The following SEM1 variants were observed in gnomAD, a reference collection of about 807,000 sequenced individuals.
SEM1 encodes the protein 26S proteasome complex subunit SEM1.
SEM1 carries 3 observed loss-of-function variants against 12.7 expected under a neutral mutation model. The observed-to-expected ratio is 0.24, with a 90% CI of 0.11 to 0.61. The LOEUF (loss-of-function observed/expected upper bound fraction) is 0.61. Among genes scored for constraint, SEM1 ranks in the 20% least tolerant of loss-of-function variants. SEM1 has a pLI of 0.88. For synonymous variants in SEM1, 30 were observed against 27.8 expected (o/e 1.08, Z -0.25); for missense variants, 59 against 81.3 (o/e 0.73, Z 1.06).
intron 2 of SEM1, among the ~76,000 whole-genome samples, chr7:96,597,821 T>C (rs959877116): frequency 1.3e-5 from 2 of 152,110 alleles, no homozygotes; most frequent in Middle Eastern, 3.2e-3. Context: ...CTGCCCATTG[T>C]TCATGCCCTA....
downstream of SEM1, chr7:96,672,950 C>A (rs1315658835): frequency 6.6e-6 from 1 of 152,018 alleles, no homozygotes; most frequent in Non-Finnish European, 1.5e-5. Flanking sequence ...TCTGTTTTAT[C>A]ATCTGTAAAA....
intron 1 of SEM1, among the ~76,000 whole-genome samples, chr7:96,701,351 G>A (rs1039756308): frequency 6.6e-6 from 1 of 151,832 alleles, no homozygotes; most frequent in South Asian, 2.1e-4. Flanking sequence ...TCCCATGATG[G>A]GATTAGTGCC....
At chr7:96,647,856 C>T (rs1808850162) in intron 2 of SEM1, among the ~76,000 whole-genome samples, 1 of 152,194 alleles carries the variant, frequency 6.6e-6, no homozygotes, top group Non-Finnish European at 1.5e-5. Flanking sequence ...AAATAGAAAA[C>T]CTATTTAGCA....
At chr7:96,623,997 A>G (rs865896558) in intron 2 of SEM1, among the ~76,000 whole-genome samples, 13 of 152,126 alleles carry the variant, frequency 8.5e-5, no homozygotes, top group South Asian at 4.1e-4. Flanking sequence ...TTTAGGGCCC[A>G]CTGGGATAAG....
chr7:96,552,506 C>G (rs1805317209), intron 2 of SEM1, among the ~76,000 whole-genome samples: 1 of 150,470 alleles, frequency 6.6e-6, no homozygotes, highest in Middle Eastern at 3.4e-3. Flanking sequence ...CATGTCCCTA[C>G]AAAGGATATG....
rs115254374 is a variant in SEM1 at position 96,700,220 on chromosome 7, T to A, written c.77-5329A>T. On this transcript the variant is annotated intron_variant, in intron 1 of 2. Transcript: ENST00000248566. ...CCTTTATTACATACATGCTAATCAC[T>A]GGAAAGGCAATTTGTGGGATGAGAG... is the stretch of plus-strand genomic sequence containing the variant. Among the ~76,000 whole-genome samples the A allele has an allele frequency of 1.6e-3, 248 of 152,206 alleles. 1 individual carries two copies. Among genetic ancestry groups the A allele is most frequent in the African/African-American group, 5.8e-3 (241 of 41,520 alleles).
chr7:96,502,378 T>G (rs1317253730), intron 3 of SEM1, among the ~76,000 whole-genome samples: 1 of 152,092 alleles, frequency 6.6e-6, no homozygotes, highest in Non-Finnish European at 1.5e-5. Flanking sequence ...TTGCTGTGGA[T>G]AGGTAGTGGC....
At chr7:96,698,752 A>C (rs577998535) in intron 1 of SEM1, among the ~76,000 whole-genome samples, 1 of 152,306 alleles carries the variant, frequency 6.6e-6, no homozygotes, top group South Asian at 2.1e-4. Context: ...TTATAGTAGA[A>C]TGATTTATAA....
intron 2 of SEM1, among the ~76,000 whole-genome samples, chr7:96,537,462 A>G (rs1169326509): frequency 6.6e-6 from 1 of 151,694 alleles, no homozygotes; most frequent in East Asian, 1.9e-4. Flanking sequence ...TAATTACCTC[A>G]GTTTTTGCTT....
At chr7:96,535,749 T>C (rs932167224) in intron 2 of SEM1, among the ~76,000 whole-genome samples, 1 of 152,002 alleles carries the variant, frequency 6.6e-6, no homozygotes, top group Admixed American at 6.6e-5. Flanking sequence ...CTTAGGATAA[T>C]GGCTTCCAAC....
intron 2 of SEM1, among the ~76,000 whole-genome samples, chr7:96,566,752 C>T (rs1805854319): frequency 6.6e-6 from 1 of 151,586 alleles, no homozygotes; most frequent in South Asian, 2.1e-4. Flanking sequence ...TAATTTCTTT[C>T]AGTACTTTTA....
At chr7:96,593,762 G>A (rs183749562) in intron 2 of SEM1, among the ~76,000 whole-genome samples, 16 of 152,034 alleles carry the variant, frequency 1.1e-4, no homozygotes, top group East Asian at 5.8e-4. Flanking sequence ...AAAGAAGGTC[G>A]TTAGGAAAAA....
intron 2 of SEM1, among the ~76,000 whole-genome samples, chr7:96,654,832 G>T (rs1404464631): frequency 6.6e-6 from 1 of 152,186 alleles, no homozygotes; most frequent in African/African-American, 2.4e-5. Flanking sequence ...TCATGACTGG[G>T]AGTCAGCAGC....
At chr7:96,545,469 T>A (rs1231494584) in intron 2 of SEM1, among the ~76,000 whole-genome samples, 1 of 151,748 alleles carries the variant, frequency 6.6e-6, no homozygotes, top group African/African-American at 2.4e-5. Context: ...AAAAAAAAAA[T>A]TTAAGACCAA....
At chr7:96,622,462 C>T (rs1462614785), downstream of SEM1, 1 of 563,856 alleles carries the variant, frequency 1.8e-6, no homozygotes, top group Non-Finnish European at 3.2e-6. Context: ...AATATCAGTG[C>T]AGTTTCTAAA....
intron 2 of SEM1, chr7:96,649,258 A>G (rs1029462395): frequency 6.6e-6 from 1 of 152,218 alleles, no homozygotes; most frequent in African/African-American, 2.4e-5. Context: ...GAGATCATTC[A>G]TAAACCAATG....
At chr7:96,675,612 C>T (rs1010431871) in intron 2 of SEM1, among the ~76,000 whole-genome samples, 10 of 152,164 alleles carry the variant, frequency 6.6e-5, no homozygotes, top group Non-Finnish European at 8.8e-5. Context: ...ACTCAAATGG[C>T]GTGTGGTCTT....
downstream of SEM1, among the ~76,000 whole-genome samples, chr7:96,684,469 G>C (rs976624298): frequency 2.6e-5 from 4 of 152,114 alleles, no homozygotes; most frequent in Non-Finnish European, 4.4e-5. Flanking sequence ...TAACCGTTTG[G>C]GGGGCGGGGG....
rs189080599 is a variant in SEM1 at position 96,695,125 on chromosome 7, C to G, written c.77-234G>C. On this transcript the variant is annotated intron_variant, in intron 1 of 2. Transcript: ENST00000248566. Reference sequence around the variant, plus strand: ...ACAAAAAATTCTACTTGCCAAGAAACTTACAATTTCAGGAGGATATTTACT... The same window carrying G: ...ACAAAAAATTCTACTTGCCAAGAAAGTTACAATTTCAGGAGGATATTTACT... 5 of 325,306 alleles carry G rather than the reference C, an allele frequency of 1.5e-5. No homozygotes were observed. The Admixed American group carries it at 1.9e-4, about 12-fold the overall frequency. The allele number at this position is 325,306 out of a possible 1,614,324, so 20.2% of individuals were successfully genotyped here.
Sources: gnomAD v4.1 joint callset for allele counts (sites outside exome capture counted in the v4.1 genomes callset) on GRCh38, gnomAD v4.1.1 for gene constraint, MANE v1.5 for transcripts, NCBI Gene and HGNC (gene_info 2026-07-23, HGNC 2026-07-21) for gene names.